Variants in COQ3 observed in about 807,000 individuals in gnomAD.
The protein encoded by COQ3 is ubiquinone biosynthesis O-methyltransferase, mitochondrial.
A neutral mutation model predicts 33.1 loss-of-function variants in COQ3; 29 were observed. The ratio of observed to expected loss-of-function variants is 0.88; its 90% CI spans 0.65 to 1.19. COQ3 has a LOEUF of 1.19. COQ3 is among the 50% of genes most tolerant of loss of function. The pLI is 0.00. For synonymous variants in COQ3, 173 were observed against 157.8 expected (o/e 1.10, Z -0.72); for missense variants, 437 against 430.7 (o/e 1.01, Z -0.13).
chr6:99,371,740 G>A (rs921721304), intron 5 of COQ3, among the ~76,000 whole-genome samples, 153 bp from the exon 6 acceptor site: 1 of 151,946 alleles, frequency 6.6e-6, no homozygotes, highest in African/African-American at 2.4e-5. Flanking sequence ...CACCAAAATA[G>A]CATTTTTTTT....
chr6:99,392,417 G>A (rs1774855542), intron 1 of COQ3, among the ~76,000 whole-genome samples: 1 of 152,142 alleles, frequency 6.6e-6, no homozygotes, highest in Non-Finnish European at 1.5e-5. Context: ...CTTCTTCAGT[G>A]ATTTCCACTG....
chr6:99,374,269 T>C (rs1180319041), intron 5 of COQ3, among the ~76,000 whole-genome samples: 1 of 152,210 alleles, frequency 6.6e-6, no homozygotes, highest in African/African-American at 2.4e-5. Context: ...AAGTGAGTCT[T>C]CTAGGGCACA....
intron 2 of COQ3, among the ~76,000 whole-genome samples, chr6:99,380,612 T>TAATAAC (rs1774447194): frequency 6.6e-6 from 1 of 152,064 alleles, no homozygotes; most frequent in Non-Finnish European, 1.5e-5. Flanking sequence ...TATCTAATAA[T>TAATAAC]AATAACAATA....
Position 99,371,420 on chromosome 6 carries a change from A to G in COQ3, c.889+8T>C, listed in dbSNP as rs1403124319. The G allele has an allele frequency of 1.3e-6, 2 of 1,573,312 alleles. No homozygotes were observed. The highest frequency in any genetic ancestry group is 1.7e-6 in the Non-Finnish European group (2 of 1,166,064). On this transcript the variant is annotated splice_region_variant and intron_variant, in intron 6 of 6. Transcript: ENST00000254759. The stretch of plus-strand genomic sequence containing the variant: ...TGGAAAATTGGAAAAAATTCTCTTA[A>G]TACTTACTTGATTCCAGAATGCTCT...
chr6:99,381,944 A>C (rs1023224461), intron 2 of COQ3, among the ~76,000 whole-genome samples: 1 of 145,702 alleles, frequency 6.9e-6, no homozygotes, highest in Non-Finnish European at 1.5e-5. Context: ...AAAAAAAAAG[A>C]ATCTTCCTTG....
rs372580810 is a variant in COQ3, at chr6:99,394,141, C to T, written c.39G>A (p.Trp13Ter). Reference sequence around the variant, plus strand: ...CTCCAGGCCCCAGCACTCTTAAAAACCAACCCCCGGAGGAGCCCAGCTTAC... The same window carrying T: ...CTCCAGGCCCCAGCACTCTTAAAAATCAACCCCCGGAGGAGCCCAGCTTAC... The part of the protein sequence containing the change: ...SGRKLGSSGG[W>*]FLRVLGPGGC... Residue 13 changes from tryptophan to a stop codon, truncating the protein, a stop_gained, in exon 1 of 7, where the codon TGG becomes TGA. Coordinates refer to ENST00000254759, the MANE Select transcript of COQ3 (RefSeq NM_017421.4). LOFTEE classifies it high-confidence loss of function. The T allele has an allele frequency of 1.2e-6, 2 of 1,609,432 alleles. No individual in the cohort carries two copies. Among genetic ancestry groups the T allele is most frequent in the Non-Finnish European group, 1.7e-6 (2 of 1,177,778 alleles).
chr6:99,380,975 T>C (rs2128471947), intron 2 of COQ3, among the ~76,000 whole-genome samples: 1 of 152,236 alleles, frequency 6.6e-6, no homozygotes, highest in African/African-American at 2.4e-5. Context: ...AGGTATTGTT[T>C]AAGAGCTCCA....
chr6:99,383,778 C>G lies in COQ3; in HGVS notation c.153G>C (p.Gly51=), dbSNP rs757344308. 6.3e-7 allele frequency: 1 copy of G among 1,598,902 alleles called. No individual in the cohort carries two copies. The highest frequency in any genetic ancestry group is 8.5e-7 in the Non-Finnish European group (1 of 1,173,344). Reference sequence around the variant, plus strand: ...ATATGGTTCTGTATTCATTGAAAACCCCTGGTTTAATCTGTAGAGTCCCAC... The same window carrying G: ...ATATGGTTCTGTATTCATTGAAAACGCCTGGTTTAATCTGTAGAGTCCCAC... ...QLSGTLQIKP[G]VFNEYRTIWF... The change falls in exon 2 of 7, where the codon GGG becomes GGC. Residue 51 remains glycine, a synonymous_variant. Transcript: ENST00000254759.
At chr6:99,394,036 A>G (rs199884593) in intron 1 of COQ3, 38 bp downstream of exon 1, 1 of 1,558,492 alleles carries the variant, frequency 6.4e-7, no homozygotes, top group Non-Finnish European at 8.9e-7. Context: ...AGCGCTCGCA[A>G]TTGACTGCAT....
intron 4 of COQ3, 134 bp downstream of exon 4, chr6:99,377,252 C>T: frequency 2.8e-6 from 2 of 711,694 alleles, no homozygotes; most frequent in Non-Finnish European, 4.9e-6. Context: ...TCAGGTGATC[C>T]ACCCACCCTG....
At chr6:99,388,708 T>C (rs1197714790) in intron 1 of COQ3, among the ~76,000 whole-genome samples, 2 of 151,662 alleles carry the variant, frequency 1.3e-5, no homozygotes, top group East Asian at 3.9e-4. Context: ...ATTAGCCAGG[T>C]GTGGTGGTGG....
At chr6:99,377,696 A>G (rs970975843) in intron 3 of COQ3, among the ~76,000 whole-genome samples, 9 of 152,172 alleles carry the variant, frequency 5.9e-5, no homozygotes, top group African/African-American at 2.2e-4. Context: ...ATAATCTAGT[A>G]GTAATTATGA....
chr6:99,377,304 T>C (rs1309978136), intron 4 of COQ3, 82 bp downstream of exon 4: 1 of 1,078,762 alleles, frequency 9.3e-7, no homozygotes, highest in Non-Finnish European at 1.4e-6. Context: ...ATAATATTAT[T>C]TGTTGAAAGA....
intron 5 of COQ3, 119 bp from the exon 6 acceptor site, chr6:99,371,706 T>C (rs1774150613): frequency 3.0e-6 from 2 of 672,258 alleles, no homozygotes; most frequent in African/African-American, 1.9e-5. Flanking sequence ...CATTAAAATA[T>C]ATATGTACGC....
intron 1 of COQ3, among the ~76,000 whole-genome samples, chr6:99,387,821 T>A (rs1017981190): frequency 6.6e-6 from 1 of 152,114 alleles, no homozygotes; most frequent in African/African-American, 2.4e-5. Context: ...ATGTAGAAAA[T>A]ACCAAGAAAT....
Position 99,376,032 on chromosome 6 carries a change from C to T in COQ3, c.637G>A (p.Ala213Thr), listed in dbSNP as rs776921369. ...GCTACAACAGCATCAAATGTTTCTG[C>T]AGTCTCTTCCACAATCTCTTCCAGG... ...CSLEEIVEET[A>T]ETFDAVVASE... Residue 213 changes from alanine to threonine, a missense_variant, in exon 5 of 7, where the codon GCA becomes ACA. Coordinates refer to ENST00000254759, the MANE Select transcript of COQ3 (RefSeq NM_017421.4). 1.2e-6 allele frequency: 2 copies of T among 1,614,070 alleles called. No homozygotes were observed. Among genetic ancestry groups the T allele is most frequent in the Non-Finnish European group, 8.5e-7 (1 of 1,179,922 alleles).
intron 6 of COQ3, among the ~76,000 whole-genome samples, 156 bp from the exon 7 acceptor site, chr6:99,369,976 C>G (rs545698338): frequency 6.6e-6 from 1 of 152,078 alleles, no homozygotes; most frequent in Non-Finnish European, 1.5e-5. Flanking sequence ...AATGGGCAAG[C>G]GTATTTTGTA....
chr6:99,391,789 A>G (rs1774838339), intron 1 of COQ3, among the ~76,000 whole-genome samples: 1 of 152,176 alleles, frequency 6.6e-6, no homozygotes, highest in Admixed American at 6.5e-5. Flanking sequence ...GCTTGAGCCC[A>G]GGAGTTCAAG....
At chr6:99,374,560 G>A (rs1463569913) in intron 5 of COQ3, among the ~76,000 whole-genome samples, 1 of 152,174 alleles carries the variant, frequency 6.6e-6, no homozygotes, top group Non-Finnish European at 1.5e-5. Context: ...TCCTAAATAT[G>A]TGAACGACAG....
Sources: gnomAD v4.1 joint callset for allele counts (sites outside exome capture counted in the v4.1 genomes callset) on GRCh38, gnomAD v4.1.1 for gene constraint, MANE v1.5 for transcripts, NCBI Gene and HGNC (gene_info 2026-07-23, HGNC 2026-07-21) for gene names.